Variants in RAB8B observed in about 807,000 individuals in gnomAD.
RAB8B encodes the protein RAB8B, member RAS oncogene family.
In RAB8B, 11 loss-of-function variants were observed where a neutral mutation model predicts 32.0. The observed-to-expected ratio is 0.34, with a 90% CI of 0.22 to 0.57. RAB8B has a LOEUF of 0.57. Ranked by LOEUF, RAB8B falls within the 20% of genes least tolerant of loss-of-function variation. The pLI, the probability that RAB8B is intolerant of heterozygous loss-of-function variation, is 0.86. For synonymous variants in RAB8B, 103 were observed against 89.6 expected (o/e 1.15, Z -0.85); for missense variants, 190 against 258.5 (o/e 0.73, Z 1.82).
Position 63,255,518 on chromosome 15 carries a change from G to T in RAB8B, c.258G>T (p.Leu86=). The T allele has an allele frequency of 6.2e-7, 1 of 1,600,642 alleles. No homozygotes were observed. The highest frequency in any genetic ancestry group is 8.6e-7 in the Non-Finnish European group (1 of 1,167,942). The change falls in exon 4 of 8, where the codon CTG becomes CTT. Residue 86 remains leucine (L), a synonymous_variant. Coordinates refer to ENST00000321437, the MANE Select transcript of RAB8B (RefSeq NM_016530.3). ...TTTCCCCCTTATAGGGCATTATGCT[G>T]GTCTATGACATCACAAATGAAAAAT... The part of the protein sequence containing the change: ...AYYRGAMGIM[L]VYDITNEKSF...
chr15:63,240,038 G>A lies in RAB8B; in HGVS notation c.125-4718G>A, dbSNP rs145776154. On this transcript the variant is annotated intron_variant, in intron 1 of 7. Transcript: ENST00000321437. ...GGTCATGCAGGAGTGCAGGAAAGGA[G>A]GTATGGGGCCCACTGAGAGAAGCAA... is the stretch of plus-strand genomic sequence containing the variant. Among the ~76,000 whole-genome samples the A allele has an allele frequency of 1.4e-4, 21 of 152,226 alleles. No individual in the cohort carries two copies. In the East Asian group the frequency reaches 4.1e-3, roughly 29 times the overall value.
chr15:63,257,818 T>C (rs1465936949), intron 5 of RAB8B, among the ~76,000 whole-genome samples: 1 of 150,956 alleles, frequency 6.6e-6, no homozygotes, highest in Admixed American at 6.6e-5. Flanking sequence ...CCCAGCACTT[T>C]GGGAGGCCGA....
intron 1 of RAB8B, among the ~76,000 whole-genome samples, chr15:63,195,040 T>C (rs2037589319): frequency 6.6e-6 from 1 of 152,248 alleles, no homozygotes; most frequent in African/African-American, 2.4e-5. Flanking sequence ...CATCAACATT[T>C]GGCTGAGCAT....
chr15:63,211,177 T>C lies in RAB8B; in HGVS notation c.124+21429T>C, dbSNP rs527340587. On this transcript the variant is annotated intron_variant, in intron 1 of 7. Coordinates refer to ENST00000321437, the MANE Select transcript of RAB8B (RefSeq NM_016530.3). Reference sequence around the variant, plus strand: ...AGCTCTGCTTTTATTAGCTTAAGTGTTTTGTGTTAAAATCTCTTTTGGCCT... The same window carrying C: ...AGCTCTGCTTTTATTAGCTTAAGTGCTTTGTGTTAAAATCTCTTTTGGCCT... Among the ~76,000 whole-genome samples, 154 of 152,340 alleles carry C rather than the reference T, an allele frequency of 1.0e-3. 1 individual carries two copies. The highest frequency in any genetic ancestry group is 3.4e-3 in the Middle Eastern group (1 of 294).
chr15:63,245,475 C>G (rs1354155282), intron 2 of RAB8B, among the ~76,000 whole-genome samples: 1 of 152,228 alleles, frequency 6.6e-6, no homozygotes, highest in Non-Finnish European at 1.5e-5. Flanking sequence ...GGGGTTCCCC[C>G]CACCACCACC....
chr15:63,259,738 T>C lies in RAB8B; in HGVS notation c.480+46T>C. 6.6e-7 allele frequency: 1 copy of C among 1,526,674 alleles called. No homozygotes were observed. The highest frequency in any genetic ancestry group is 9.1e-7 in the Non-Finnish European group (1 of 1,102,526). The allele number at this position is 1,526,674 out of a possible 1,614,324, so 94.6% of individuals were successfully genotyped here. The stretch of plus-strand genomic sequence containing the variant: ...GACTGTTACGGAGCAGCACCAGTGC[T>C]TAGGGGCCTGTGTTCAAACAGCTCT... On this transcript the variant is annotated intron_variant, in intron 6 of 7. Coordinates refer to ENST00000321437, the MANE Select transcript of RAB8B (RefSeq NM_016530.3). This position sits in a 1 kb window ranked among gnomAD's most constrained non-coding sequence, Gnocchi z 4.4.
intron 6 of RAB8B, among the ~76,000 whole-genome samples, chr15:63,260,426 G>T (rs922515353): frequency 2.6e-5 from 4 of 152,144 alleles, no homozygotes; most frequent in African/African-American, 9.7e-5. Flanking sequence ...ACACATTTGA[G>T]GTAGATTAAG....
intron 1 of RAB8B, among the ~76,000 whole-genome samples, chr15:63,227,264 G>A (rs1185636525): frequency 6.6e-6 from 1 of 152,104 alleles, no homozygotes; most frequent in Non-Finnish European, 1.5e-5. Context: ...TGCATCCACT[G>A]TTGTATGTAT....
intron 3 of RAB8B, among the ~76,000 whole-genome samples, chr15:63,250,047 A>G (rs1267739445): frequency 6.6e-6 from 1 of 152,100 alleles, no homozygotes; most frequent in Non-Finnish European, 1.5e-5. Flanking sequence ...GAGGCAGGAG[A>G]ATGGCGTGAA....
intron 1 of RAB8B, among the ~76,000 whole-genome samples, chr15:63,193,172 G>C (rs946271460): frequency 6.6e-6 from 1 of 152,082 alleles, no homozygotes; most frequent in Non-Finnish European, 1.5e-5. Flanking sequence ...GGTTATTACA[G>C]TAAGCTATGA....
At chr15:63,241,264 G>A (rs1178788392) in intron 1 of RAB8B, among the ~76,000 whole-genome samples, 1 of 152,154 alleles carries the variant, frequency 6.6e-6, no homozygotes, top group Non-Finnish European at 1.5e-5. Context: ...CAGGAGAATC[G>A]CTTGAACCCA....
chr15:63,227,880 T>C (rs2037902198), intron 1 of RAB8B, among the ~76,000 whole-genome samples: 1 of 152,212 alleles, frequency 6.6e-6, no homozygotes, highest in Non-Finnish European at 1.5e-5. Flanking sequence ...TCTTTTCTTT[T>C]CTTTTTTCTC....
chr15:63,212,533 A>G (rs1005242740), intron 1 of RAB8B, among the ~76,000 whole-genome samples: 9 of 152,208 alleles, frequency 5.9e-5, no homozygotes, highest in African/African-American at 2.2e-4. Flanking sequence ...TTTTGATTCA[A>G]GGTAAAAACA....
intron 1 of RAB8B, among the ~76,000 whole-genome samples, chr15:63,231,024 G>A (rs1013146848): frequency 6.6e-6 from 1 of 151,986 alleles, no homozygotes; most frequent in African/African-American, 2.4e-5. Flanking sequence ...TAATTGGGTG[G>A]GAAAATTACC....
At chr15:63,222,960 A>G (rs1424174024) in intron 1 of RAB8B, 2 of 422,114 alleles carry the variant, frequency 4.7e-6, no homozygotes, top group African/African-American at 4.2e-5. Flanking sequence ...TTAGGTGTAT[A>G]GTGTTTATAG....
intron 1 of RAB8B, among the ~76,000 whole-genome samples, chr15:63,233,207 G>A (rs1021650746): frequency 7.9e-5 from 12 of 151,274 alleles, no homozygotes; most frequent in Non-Finnish European, 1.2e-4. Context: ...CCACAGGCAC[G>A]TGCCACCACA....
At chr15:63,215,760 G>A (rs931385621) in intron 1 of RAB8B, among the ~76,000 whole-genome samples, 1 of 152,192 alleles carries the variant, frequency 6.6e-6, no homozygotes, top group Non-Finnish European at 1.5e-5. Flanking sequence ...CTATAGACCA[G>A]GCATAGCTGC....
rs776692421 is a variant in RAB8B at position 63,249,690 on chromosome 15, C to T, written c.231C>T (p.Tyr77=). Reference sequence around the variant, plus strand: ...GATTCCGAACAATCACGACAGCGTACTACAGAGGAGCCATGGTGAGTGTGT... The same window carrying T: ...GATTCCGAACAATCACGACAGCGTATTACAGAGGAGCCATGGTGAGTGTGT... ...QERFRTITTA[Y]YRGAMGIMLV... The change falls in exon 3 of 8, where the codon TAC becomes TAT. Residue 77 remains tyrosine (Y), a synonymous_variant. Coordinates refer to ENST00000321437, the MANE Select transcript of RAB8B (RefSeq NM_016530.3). The T allele has an allele frequency of 6.2e-7, 1 of 1,613,696 alleles. No individual in the cohort carries two copies. Among genetic ancestry groups the T allele is most frequent in the Non-Finnish European group, 8.5e-7 (1 of 1,179,856 alleles).
In RAB8B at chr15:63,265,071, G is replaced by C. The variant is rs1425248359; in HGVS notation, c.*1452G>C. On this transcript the variant is annotated 3_prime_UTR_variant, in exon 8 of 8. Transcript: ENST00000321437. This position sits in a 1 kb window ranked among gnomAD's most constrained non-coding sequence, Gnocchi z 4.9. ...TAGCCTTCAGTGTCATAACACAGGG[G>C]GGATAAAACAGAGGGGATGAGGGAA... 6.6e-6 allele frequency: 1 copy of C among 152,472 alleles called. No individual in the cohort carries two copies. Among genetic ancestry groups the C allele is most frequent in the Non-Finnish European group, 1.5e-5 (1 of 68,030 alleles). 9.4% of individuals were successfully genotyped at this position (152,472 alleles called of 1,614,324 possible).
Sources: allele counts gnomAD v4.1 joint callset (sites outside exome capture counted in the v4.1 genomes callset), GRCh38; gene constraint gnomAD v4.1.1; non-coding constraint Gnocchi (gnomAD v3.1); transcripts MANE v1.5; gene names NCBI Gene and HGNC (gene_info 2026-07-23, HGNC 2026-07-21).